RNF19A: variants seen among roughly 807,000 people sequenced by gnomAD.
The protein encoded by RNF19A is E3 ubiquitin-protein ligase RNF19A.
In RNF19A, 32 loss-of-function variants were observed where a neutral mutation model predicts 75.7. The ratio of observed to expected loss-of-function variants is 0.42; its 90% CI spans 0.32 to 0.57. RNF19A has a LOEUF of 0.57. RNF19A is among the 20% of genes least tolerant of loss of function. RNF19A has a pLI of 0.10. For synonymous variants in RNF19A, 335 were observed against 345.2 expected (o/e 0.97, Z 0.33); for missense variants, 782 against 1,036.3 (o/e 0.75, Z 3.37).
Position 100,275,031 on chromosome 8 carries a change from G to C in RNF19A, c.805C>G (p.Gln269Glu), listed in dbSNP as rs762480754. Residue 269 changes from glutamine (Q) to glutamate (E), a missense_variant, in exon 3 of 10, where the codon CAA (glutamine) becomes GAA (glutamate). Physicochemically the swap from Gln to Glu is conservative, Grantham distance 29. Transcript: ENST00000341084. This position sits in a 1 kb window ranked among gnomAD's most constrained non-coding sequence, Gnocchi z 4.3. ...AAACGTAAGCTCTGGGCTCTCTCTT[G>C]TCGAGCAGCATCACAGGTCTGGTTG... ...HPNQTCDAAR[Q>E]ERAQSLRLRT... The C allele has an allele frequency of 1.2e-6, 2 of 1,614,138 alleles. No individual in the cohort carries two copies. The highest frequency in any genetic ancestry group is 2.2e-5 in the East Asian group (1 of 44,882).
Position 100,259,891 on chromosome 8 carries a change from C to T in RNF19A, c.1789G>A (p.Ala597Thr), listed in dbSNP as rs763944525. 12 of 1,613,758 alleles carry T rather than the reference C, an allele frequency of 7.4e-6. No homozygotes were observed. In the African/African-American group the frequency reaches 1.3e-4, roughly 18 times the overall value. Residue 597 changes from alanine to threonine, a missense_variant, in exon 9 of 10, where the codon GCA (alanine) becomes ACA (threonine). By Grantham distance (58) the Ala-to-Thr change is moderately conservative (BLOSUM62 0). Around this residue, in one of 7 missense-constraint regions of RNF19A, gnomAD observed 442 missense variants for 541.6 expected, o/e 0.82. Coordinates refer to ENST00000341084, the MANE Select transcript of RNF19A (RefSeq NM_183419.4). The surrounding 1 kb of genome is among the most constrained non-coding windows in gnomAD (Gnocchi z 4.5). ...ATGTAGGAATTCAGAATGGATCCTG[C>T]CATTGCTTTGGTGCTGGCATTATCA... ...VSDNASTKAM[A>T]GSILNSYIPL...
At chr8:100,296,820 A>G (rs1455647538) in intron 1 of RNF19A, among the ~76,000 whole-genome samples, 2 of 152,242 alleles carry the variant, frequency 1.3e-5, no homozygotes, top group Non-Finnish European at 2.9e-5. Context: ...ATTCCATTAG[A>G]AGTATTCCAG....
At position 100,269,821 on chromosome 8, in the gene RNF19A, C is replaced by T. The variant is rs1300620323; in HGVS notation, c.1028+48G>A. The T allele has an allele frequency of 2.1e-6, 3 of 1,411,470 alleles. No homozygotes were observed. Among genetic ancestry groups the T allele is most frequent in the Non-Finnish European group, 1.9e-6 (2 of 1,059,278 alleles). The allele number at this position is 1,411,470 out of a possible 1,614,324, so 87.4% of individuals were successfully genotyped here. On this transcript the variant is annotated intron_variant, in intron 4 of 9. Coordinates refer to ENST00000341084, the MANE Select transcript of RNF19A (RefSeq NM_183419.4). This position sits in a 1 kb window ranked among gnomAD's most constrained non-coding sequence, Gnocchi z 5.7. ...ATTTAAGACAAGTTATTTTGTCTTA[C>T]AATATAAAATTACATTTACATATAA... is the stretch of plus-strand genomic sequence containing the variant.
chr8:100,313,627 T>C (rs1370921115), upstream of RNF19A, among the ~76,000 whole-genome samples: 3 of 152,122 alleles, frequency 2.0e-5, no homozygotes, highest in Non-Finnish European at 4.4e-5. Context: ...GATGAGACAA[T>C]AGATGTTTAA....
chr8:100,271,373 A>T (rs1346675615), intron 3 of RNF19A, among the ~76,000 whole-genome samples: 1 of 152,176 alleles, frequency 6.6e-6, no homozygotes, highest in African/African-American at 2.4e-5. Context: ...GGGTATGACT[A>T]AAAAAAGCTG....
In RNF19A at chr8:100,332,584, A is replaced by G. The variant is rs1822625774; in HGVS notation, c.-243+3524T>C. Among the ~76,000 whole-genome samples, 1 of 152,242 alleles carries G rather than the reference A, an allele frequency of 6.6e-6. No homozygotes were observed. The stretch of plus-strand genomic sequence containing the variant: ...TTGTCCAATTATCCTACAAGTGATC[A>G]CATAAATCACCTTGATAAGACAAAT... On this transcript the variant is annotated intron_variant, in intron 1 of 3. Transcript: ENST00000519527. This position sits in a 1 kb window ranked among gnomAD's most constrained non-coding sequence, Gnocchi z 4.8.
intron 2 of RNF19A, among the ~76,000 whole-genome samples, chr8:100,281,820 G>C (rs887181462): frequency 6.6e-6 from 1 of 151,994 alleles, no homozygotes; most frequent in East Asian, 1.9e-4. Flanking sequence ...TCCAGTTAAG[G>C]GGAACAGTCA....
Position 100,264,790 on chromosome 8 carries a change from A to C in RNF19A, c.1192-5T>G. ...GCCTTCATAGCGATTGTGAATCTTG[A>C]ATTAATAAAAATAGGGGTGGGGGAT... On this transcript the variant is annotated splice_polypyrimidine_tract_variant and splice_region_variant and intron_variant, in intron 5 of 9. Transcript: ENST00000341084. The surrounding 1 kb of genome is among the most constrained non-coding windows in gnomAD (Gnocchi z 4.7). The C allele has an allele frequency of 6.3e-7, 1 of 1,592,280 alleles. No homozygotes were observed. The highest frequency in any genetic ancestry group is 1.3e-5 in the African/African-American group (1 of 74,532).
rs1352413563 is a variant in RNF19A, at chr8:100,330,554, G to C, written c.-243+5554C>G. ...GTTAATTGCAAAGCTGGAGTTGCCA[G>C]AAGCCAACATGTGGAAAGAGTCTGC... On this transcript the variant is annotated intron_variant, in intron 1 of 3. Transcript: ENST00000519527. This position sits in a 1 kb window ranked among gnomAD's most constrained non-coding sequence, Gnocchi z 4.1. Among the ~76,000 whole-genome samples the C allele has an allele frequency of 1.3e-5, 2 of 152,344 alleles. No individual in the cohort carries two copies. The highest frequency in any genetic ancestry group is 1.3e-4 in the Admixed American group (2 of 15,310).
chr8:100,259,047 C>T lies in RNF19A; in HGVS notation c.2026G>A (p.Gly676Ser), dbSNP rs751345665. The T allele has an allele frequency of 5.0e-6, 8 of 1,613,956 alleles. No individual in the cohort carries two copies. Among genetic ancestry groups the T allele is most frequent in the Admixed American group, 1.7e-5 (1 of 59,986 alleles). The change falls in exon 10 of 10, where the codon GGT becomes AGT. Residue 676 changes from glycine (G) to serine (S), a missense_variant. Gly to Ser is a moderately conservative substitution (Grantham distance 56). This residue lies in a region of RNF19A where 442 missense variants were observed against 541.6 expected (regional missense o/e 0.82). Coordinates refer to ENST00000341084, the MANE Select transcript of RNF19A (RefSeq NM_183419.4). This position sits in a 1 kb window ranked among gnomAD's most constrained non-coding sequence, Gnocchi z 4.5. Reference sequence around the variant, plus strand: ...ATGTTACCCTTTTTCCTCAGTTTACCACTTTTTGATTTTTTCCCTGCTGTT... The same window carrying T: ...ATGTTACCCTTTTTCCTCAGTTTACTACTTTTTGATTTTTTCCCTGCTGTT... Reference protein sequence around the residue: ...EATAGKKSKSGKLRKKGNMKI... With the variant: ...EATAGKKSKSSKLRKKGNMKI...
rs1325189555 is a variant in RNF19A, at chr8:100,275,507, C to A, written c.675-346G>T. 6.6e-6 allele frequency among the ~76,000 whole-genome samples: 1 copy of A among 151,558 alleles called. No individual in the cohort carries two copies. The highest frequency in any genetic ancestry group is 1.5e-5 in the Non-Finnish European group (1 of 67,962). ...GCTTCTAATGATTCTGTCGCCCAAA[C>A]AGTGAACACAGTACCTGACAGGCAG... On this transcript the variant is annotated intron_variant, in intron 2 of 9. Transcript: ENST00000341084. The surrounding 1 kb of genome is among the most constrained non-coding windows in gnomAD (Gnocchi z 4.3).
chr8:100,304,342 C>G (rs1821975497), intron 1 of RNF19A, among the ~76,000 whole-genome samples: 2 of 152,162 alleles, frequency 1.3e-5, no homozygotes, highest in Non-Finnish European at 2.9e-5. Context: ...GAAGTCACAA[C>G]TGCCTACCAG....
rs2132504056 is a variant in RNF19A at position 100,264,311 on chromosome 8, A to C, written c.1307-116T>G. 2.2e-6 allele frequency: 2 copies of C among 906,788 alleles called. No homozygotes were observed. Among genetic ancestry groups the C allele is most frequent in the South Asian group, 3.8e-5 (2 of 51,968 alleles). 56.2% of individuals were successfully genotyped at this position (906,788 alleles called of 1,614,324 possible). A position where few individuals can be genotyped will look rare whatever the true frequency, so the allele number is the denominator to read the frequency against. On this transcript the variant is annotated intron_variant, in intron 6 of 9. Transcript: ENST00000341084. This position sits in a 1 kb window ranked among gnomAD's most constrained non-coding sequence, Gnocchi z 4.7. ...TACAGAGAAAAGCGCCAGGGTTCTG[A>C]AGAGTTGGCTGGAACATTTGCCAAA... is the stretch of plus-strand genomic sequence containing the variant.
chr8:100,333,682 G>A lies in RNF19A; in HGVS notation c.-243+2426C>T, dbSNP rs1294548030. Among the ~76,000 whole-genome samples, 1 of 152,194 alleles carries A rather than the reference G, an allele frequency of 6.6e-6. No individual in the cohort carries two copies. The highest frequency in any genetic ancestry group is 1.5e-5 in the Non-Finnish European group (1 of 68,040). On this transcript the variant is annotated intron_variant, in intron 1 of 3. Coordinates refer to the RNF19A transcript ENST00000519527. This position sits in a 1 kb window ranked among gnomAD's most constrained non-coding sequence, Gnocchi z 4.7. ...TTTTTTTAAAACAATAGCTGGGCAT[G>A]GTGGTGTCTCCTGTAGTCCTAGCTA...
In RNF19A at chr8:100,309,869, T is replaced by A. The variant is rs1822231792; in HGVS notation, c.-96A>T. ...CTCCTCCGGGTGCCCGCCCGTACCT[T>A]TAACTCCTCAGAGCGGCGGCAGCGC... is the stretch of plus-strand genomic sequence containing the variant. On this transcript the variant is annotated splice_region_variant and 5_prime_UTR_variant, in exon 1 of 10. Coordinates refer to ENST00000341084, the MANE Select transcript of RNF19A (RefSeq NM_183419.4). 1 of 985,564 alleles carries A rather than the reference T, an allele frequency of 1.0e-6. No homozygotes were observed. The highest frequency in any genetic ancestry group is 1.2e-6 in the Non-Finnish European group (1 of 830,132). The allele number at this position is 985,564 out of a possible 1,614,324, so 61.1% of individuals were successfully genotyped here.
chr8:100,282,248 C>G (rs1256620569), intron 2 of RNF19A, among the ~76,000 whole-genome samples: 1 of 152,150 alleles, frequency 6.6e-6, no homozygotes, highest in South Asian at 2.1e-4. Flanking sequence ...CTCATTAAAA[C>G]ACCACCAAAA....
chr8:100,330,009 T>C lies in RNF19A; in HGVS notation c.-243+6099A>G, dbSNP rs146823605. Among the ~76,000 whole-genome samples, 38 of 152,294 alleles carry C rather than the reference T, an allele frequency of 2.5e-4. No homozygotes were observed. The highest frequency in any genetic ancestry group is 3.4e-3 in the Middle Eastern group (1 of 294). On this transcript the variant is annotated intron_variant, in intron 1 of 3. Transcript: ENST00000519527. The surrounding 1 kb of genome is among the most constrained non-coding windows in gnomAD (Gnocchi z 4.1). The stretch of plus-strand genomic sequence containing the variant: ...ATGTAAGGGATCCTAATTTGTTTTT[T>C]TGTGGGGGAGGCAGTGGGAGGAGGC...
chr8:100,264,909 T>C lies in RNF19A; in HGVS notation c.1192-124A>G, dbSNP rs1417844363. 2 of 690,734 alleles carry C rather than the reference T, an allele frequency of 2.9e-6. No homozygotes were observed. Among genetic ancestry groups the C allele is most frequent in the East Asian group, 5.4e-5 (2 of 37,348 alleles). The allele number at this position is 690,734 out of a possible 1,614,324, so 42.8% of individuals were successfully genotyped here. A position where few individuals can be genotyped will look rare whatever the true frequency, so the allele number is the denominator to read the frequency against. ...AGAAGTTCGTAGCTGAGTATCTTAG[T>C]TCAAGGTAAACCTACTAGTGTCCTT... On this transcript the variant is annotated intron_variant, in intron 5 of 9. Coordinates refer to ENST00000341084, the MANE Select transcript of RNF19A (RefSeq NM_183419.4). The surrounding 1 kb of genome is among the most constrained non-coding windows in gnomAD (Gnocchi z 4.7).
intron 3 of RNF19A, among the ~76,000 whole-genome samples, chr8:100,273,206 T>A (rs1423491681): frequency 6.6e-6 from 1 of 151,582 alleles, no homozygotes; most frequent in Non-Finnish European, 1.5e-5. Context: ...CCAAATGAAG[T>A]TTTTTTTTAA....
Sources: gnomAD v4.1 joint callset for allele counts (sites outside exome capture counted in the v4.1 genomes callset) on GRCh38, gnomAD v4.1.1 for gene constraint, gnomAD v4.1.1 regional missense constraint, Gnocchi (gnomAD v3.1) non-coding constraint, MANE v1.5 for transcripts, NCBI Gene and HGNC (gene_info 2026-07-23, HGNC 2026-07-21) for gene names.